The following NEK11 variants were observed in gnomAD, a reference collection of about 807,000 sequenced individuals.
NEK11 encodes the protein serine/threonine-protein kinase Nek11.
In NEK11, 72 loss-of-function variants were observed where a neutral mutation model predicts 80.7. The ratio of observed to expected loss-of-function variants is 0.89; its 90% confidence interval spans 0.74 to 1.08. The LOEUF is 1.08. Ranked by LOEUF, NEK11 falls within the 50% of genes least tolerant of loss-of-function variation. The pLI is 0.00. For missense variants in NEK11, 764 were observed against 763.6 expected, an observed-to-expected ratio of 1.00 and a Z score of -0.01; for synonymous variants, 251 against 260.7, an observed-to-expected ratio of 0.96 and a Z score of 0.36.
At chr3:131,185,808 T>C (rs976533482) in intron 14 of NEK11, among the ~76,000 whole-genome samples, 6 of 152,220 alleles carry the variant, frequency 3.9e-5, no homozygotes, top group Non-Finnish European at 8.8e-5. Context: ...TTCTGGAATA[T>C]TCGTACACAT....
intron 5 of NEK11, among the ~76,000 whole-genome samples, chr3:131,114,970 A>G (rs1240832776): frequency 6.6e-6 from 1 of 152,148 alleles, no homozygotes; most frequent in Admixed American, 6.5e-5. Context: ...TATATATATG[A>G]TGGTTGATTT....
intron 14 of NEK11, among the ~76,000 whole-genome samples, chr3:131,172,127 T>A (rs2092731279): frequency 6.6e-6 from 1 of 152,174 alleles, no homozygotes; most frequent in Non-Finnish European, 1.5e-5. Flanking sequence ...AAGTCAGCCA[T>A]CCTACAGGCC....
chr3:131,278,726 G>A (rs1281889131), intron 17 of NEK11, among the ~76,000 whole-genome samples: 1 of 152,070 alleles, frequency 6.6e-6, no homozygotes, highest in Non-Finnish European at 1.5e-5. Flanking sequence ...ACTCACAGAG[G>A]CCAAGGCAAT....
intron 17 of NEK11, among the ~76,000 whole-genome samples, chr3:131,292,792 T>C (rs561626966): frequency 3.3e-5 from 5 of 152,218 alleles, no homozygotes; most frequent in African/African-American, 7.2e-5. Context: ...ATAATTTCCC[T>C]CATATAGATC....
intron 17 of NEK11, among the ~76,000 whole-genome samples, chr3:131,333,097 G>A (rs1288130439): frequency 2.0e-5 from 3 of 152,124 alleles, no homozygotes; most frequent in Non-Finnish European, 2.9e-5. Flanking sequence ...CCAACCTTCA[G>A]ATTCAGGAAA....
intron 7 of NEK11, among the ~76,000 whole-genome samples, chr3:131,150,271 G>T (rs1560648695): frequency 6.6e-6 from 1 of 151,576 alleles, no homozygotes; most frequent in Admixed American, 6.6e-5. Flanking sequence ...AATGTTCCAT[G>T]TGCCCTTGAA....
intron 17 of NEK11, among the ~76,000 whole-genome samples, chr3:131,288,459 T>TC (rs2096502101): frequency 1.4e-5 from 2 of 146,944 alleles, no homozygotes; most frequent in African/African-American, 2.5e-5. Context: ...TCTTTTTTTT[T>TC]TTTTTTTTTT....
intron 14 of NEK11, among the ~76,000 whole-genome samples, chr3:131,175,813 A>G (rs1207014308): frequency 6.6e-6 from 1 of 152,204 alleles, no homozygotes; most frequent in Non-Finnish European, 1.5e-5. Context: ...TTCAGAAGAA[A>G]CAATGTAATG....
chr3:131,345,874 TA>T (rs1326255679), intron 17 of NEK11, among the ~76,000 whole-genome samples: 4 of 151,784 alleles, frequency 2.6e-5, no homozygotes, highest in Admixed American at 6.6e-5. Flanking sequence ...TCATTTGCCA[TA>T]ACATGGATAG....
At chr3:131,347,691 G>A (rs2097384417) in intron 17 of NEK11, among the ~76,000 whole-genome samples, 1 of 152,112 alleles carries the variant, frequency 6.6e-6, no homozygotes, top group South Asian at 2.1e-4. Flanking sequence ...AGGCCAAGGT[G>A]GGCCTGTAAT....
At chr3:131,118,392 ATTT>A (rs1257972723) in intron 5 of NEK11, among the ~76,000 whole-genome samples, 1 of 151,944 alleles carries the variant, frequency 6.6e-6, no homozygotes, top group Non-Finnish European at 1.5e-5. Context: ...TTTATTGAGG[ATTT>A]TTGCATCGAT....
In NEK11 at chr3:131,327,764, G is replaced by A. The variant is rs527277402; in HGVS notation, c.1719-21793G>A. 1.0e-4 allele frequency: 15 copies of A among 150,692 alleles called. No individual in the cohort carries two copies. The East Asian group carries it at 2.5e-3, about 26-fold the overall frequency. 9.3% of individuals were successfully genotyped at this position (150,692 alleles called of 1,614,324 possible). On this transcript the variant is annotated intron_variant, in intron 17 of 17. Coordinates refer to ENST00000383366, the MANE Select transcript of NEK11 (RefSeq NM_024800.5). Reference sequence around the variant, plus strand: ...TAAAAAAAAAAAAAAAAAAAGGGGCGGGGTCTGTGCCAAATCTCTTTTCTG... The same window carrying A: ...TAAAAAAAAAAAAAAAAAAAGGGGCAGGGTCTGTGCCAAATCTCTTTTCTG...
chr3:131,265,331 G>A (rs538924952), intron 16 of NEK11, among the ~76,000 whole-genome samples: 100 of 152,282 alleles, frequency 6.6e-4, no homozygotes, highest in African/African-American at 2.4e-3. Flanking sequence ...TGCCCATTCA[G>A]TATGATACTG....
chr3:131,065,411 C>T (rs903608677), intron 3 of NEK11, among the ~76,000 whole-genome samples: 2 of 152,212 alleles, frequency 1.3e-5, no homozygotes, highest in Admixed American at 6.5e-5. Context: ...GACCCCTCAA[C>T]ATCTTAAAAT....
At chr3:131,163,954 TAGTTTAGGAG>T (rs2091937365) in intron 11 of NEK11, among the ~76,000 whole-genome samples, 2 of 152,180 alleles carry the variant, frequency 1.3e-5, no homozygotes, top group African/African-American at 4.8e-5. Flanking sequence ...AATATTTTGG[TAGTTTAGGAG>T]CCCCAATCAA....
intron 4 of NEK11, among the ~76,000 whole-genome samples, chr3:131,080,809 G>T (rs970074586): frequency 2.0e-5 from 3 of 152,106 alleles, no homozygotes; most frequent in Non-Finnish European, 4.4e-5. Flanking sequence ...CAGTAAAAAA[G>T]AATATATTTT....
chr3:131,337,364 G>A (rs1379548061), intron 17 of NEK11, among the ~76,000 whole-genome samples: 5 of 151,138 alleles, frequency 3.3e-5, no homozygotes, highest in South Asian at 2.1e-4. Context: ...CTATCGCAAC[G>A]ACAAAACACC....
rs1419905822 is a variant in NEK11 at position 131,026,885 on chromosome 3, A to T, written c.-291A>T. On this transcript the variant is annotated 5_prime_UTR_variant, in exon 1 of 18. Coordinates refer to ENST00000383366, the MANE Select transcript of NEK11 (RefSeq NM_024800.5). ...GCGCCGTCTCCCTGGCCACGGTTCC[A>T]AACAGCCGTGGCCCGCGGTGTCTGG... 6.6e-6 allele frequency: 1 copy of T among 152,180 alleles called. No individual in the cohort carries two copies. Among genetic ancestry groups the T allele is most frequent in the African/African-American group, 2.4e-5 (1 of 41,410 alleles). The allele number at this position is 152,180 out of a possible 1,614,324, so 9.4% of individuals were successfully genotyped here.
At chr3:131,076,435 T>C (rs567440149) in intron 3 of NEK11, among the ~76,000 whole-genome samples, 1 of 151,846 alleles carries the variant, frequency 6.6e-6, no homozygotes, top group South Asian at 2.1e-4. Context: ...AACTATTTCC[T>C]TGTAAATTAG....
Sources: gnomAD v4.1 joint callset for allele counts (sites outside exome capture counted in the v4.1 genomes callset) on GRCh38, gnomAD v4.1.1 for gene constraint, MANE v1.5 for transcripts, NCBI Gene and HGNC (gene_info 2026-07-23, HGNC 2026-07-21) for gene names.